Variants in C3orf20 observed in about 807,000 individuals in gnomAD.
The protein encoded by C3orf20 is family with sequence similarity 149 member C.
In C3orf20, 76 loss-of-function variants were observed where a neutral mutation model predicts 88.3. That is an observed-to-expected ratio of 0.86 (90% CI 0.72 to 1.04). C3orf20 has a LOEUF of 1.04. C3orf20 is among the 50% of genes least tolerant of loss of function. The pLI, the probability that C3orf20 is intolerant of heterozygous loss-of-function variation, is 0.00. For synonymous variants in C3orf20, 436 were observed against 437.4 expected (o/e 1.00, Z 0.04); for missense variants, 1,056 against 1,123.3 (o/e 0.94, Z 0.86).
At chr3:14,712,616 T>C (rs955350330) in intron 7 of C3orf20, among the ~76,000 whole-genome samples, 2 of 152,226 alleles carry the variant, frequency 1.3e-5, no homozygotes, top group Admixed American at 1.3e-4. Flanking sequence ...TGTGTGCCCA[T>C]TAACATAGGT....
At chr3:14,707,025 A>G (rs909378045) in intron 7 of C3orf20, among the ~76,000 whole-genome samples, 11 of 152,030 alleles carry the variant, frequency 7.2e-5, no homozygotes, top group Admixed American at 3.9e-4. Context: ...CAAGGCAGGC[A>G]GATCACGAGG....
chr3:14,742,599 T>G (rs183036695), intron 12 of C3orf20, among the ~76,000 whole-genome samples: 18 of 152,316 alleles, frequency 1.2e-4, no homozygotes, highest in African/African-American at 4.3e-4. Flanking sequence ...AGGAGAAGAT[T>G]TTCTTGTCTA....
intron 5 of C3orf20, among the ~76,000 whole-genome samples, chr3:14,698,136 T>TG (rs1559403972): frequency 4.6e-5 from 7 of 151,524 alleles, no homozygotes; most frequent in South Asian, 4.2e-4. Flanking sequence ...ATCTCCACAC[T>TG]GTCTTCAATC....
intron 4 of C3orf20, among the ~76,000 whole-genome samples, chr3:14,687,622 G>A (rs1048666875): frequency 6.6e-6 from 1 of 152,242 alleles, no homozygotes; most frequent in African/African-American, 2.4e-5. Context: ...CATGGCAGAT[G>A]TCAGGGTAGC....
At chr3:14,719,438 G>C (rs1330490193) in intron 9 of C3orf20, among the ~76,000 whole-genome samples, 1 of 152,220 alleles carries the variant, frequency 6.6e-6, no homozygotes, top group East Asian at 1.9e-4. Flanking sequence ...ATGAAAGGAA[G>C]AGGGAATTGT....
intron 12 of C3orf20, among the ~76,000 whole-genome samples, chr3:14,738,469 C>A (rs961413509): frequency 1.3e-5 from 2 of 151,696 alleles, no homozygotes; most frequent in Non-Finnish European, 2.9e-5. Context: ...GCTGGGACTA[C>A]AGGCACCCGC....
intron 5 of C3orf20, among the ~76,000 whole-genome samples, chr3:14,696,539 T>A (rs1370515587): frequency 1.3e-5 from 2 of 151,858 alleles, no homozygotes; most frequent in Non-Finnish European, 2.9e-5. Context: ...TACAGACACA[T>A]GCCACCACAC....
chr3:14,738,815 GTTT>G (rs71038433), intron 12 of C3orf20, among the ~76,000 whole-genome samples: 25 of 97,782 alleles, frequency 2.6e-4, no homozygotes, highest in African/African-American at 6.8e-4. Flanking sequence ...TAATTTTTTT[GTTT>G]TTTTTTTTTT....
intron 15 of C3orf20, among the ~76,000 whole-genome samples, chr3:14,769,013 T>G (rs2035792635): frequency 6.6e-6 from 1 of 152,034 alleles, no homozygotes; most frequent in African/African-American, 2.4e-5. Flanking sequence ...GCCTAGTCGT[T>G]CACGATCCTC....
chr3:14,712,358 G>A (rs566329632), intron 7 of C3orf20, among the ~76,000 whole-genome samples: 3 of 152,264 alleles, frequency 2.0e-5, no homozygotes, highest in East Asian at 3.9e-4. Flanking sequence ...GCATAACCCT[G>A]TTGACACCTT....
chr3:14,708,641 G>A (rs953510785), intron 7 of C3orf20, among the ~76,000 whole-genome samples: 24 of 152,050 alleles, frequency 1.6e-4, no homozygotes, highest in African/African-American at 5.8e-4. Context: ...GTTTGTTGTT[G>A]TTGTTGTTGT....
At chr3:14,732,842 T>C (rs898550357) in intron 12 of C3orf20, among the ~76,000 whole-genome samples, 6 of 152,246 alleles carry the variant, frequency 3.9e-5, no homozygotes, top group African/African-American at 1.2e-4. Context: ...GTTTTATATT[T>C]AGGTCTATGA....
intron 5 of C3orf20, among the ~76,000 whole-genome samples, chr3:14,694,237 C>G (rs1000302508): frequency 2.6e-5 from 4 of 152,152 alleles, no homozygotes; most frequent in African/African-American, 9.7e-5. Context: ...CCCTCCTCCT[C>G]TATTTTTCAG....
chr3:14,733,615 CTTTT>C (rs1339046327), intron 12 of C3orf20, among the ~76,000 whole-genome samples: 1 of 150,202 alleles, frequency 6.7e-6, no homozygotes, highest in Non-Finnish European at 1.5e-5. Context: ...ATTCAGATTT[CTTTT>C]TGTGTTTATT....
intron 12 of C3orf20, among the ~76,000 whole-genome samples, chr3:14,738,452 C>T (rs1307523672): frequency 1.3e-5 from 2 of 151,704 alleles, no homozygotes; most frequent in East Asian, 1.9e-4. Flanking sequence ...CCTCAGCCTC[C>T]CCAGTAGCTG....
chr3:14,696,720 T>C (rs1419272482), intron 5 of C3orf20, among the ~76,000 whole-genome samples: 1 of 151,804 alleles, frequency 6.6e-6, no homozygotes, highest in African/African-American at 2.4e-5. Context: ...GTCTTTCTGC[T>C]TGAGATAATA....
chr3:14,733,694 GT>G (rs56739474), intron 12 of C3orf20, among the ~76,000 whole-genome samples: 124 of 142,774 alleles, frequency 8.7e-4, no homozygotes, highest in Admixed American at 2.2e-3. Flanking sequence ...GTTGAAGTTG[GT>G]TTTTTTTTTT....
intron 12 of C3orf20, among the ~76,000 whole-genome samples, chr3:14,739,193 T>C (rs1387828914): frequency 1.3e-5 from 2 of 152,204 alleles, no homozygotes; most frequent in South Asian, 2.1e-4. Context: ...ACAGCATCTA[T>C]AGCTTTACAA....
intron 12 of C3orf20, among the ~76,000 whole-genome samples, chr3:14,738,323 A>G (rs372987834): frequency 6.6e-6 from 1 of 150,440 alleles, no homozygotes; most frequent in African/African-American, 2.4e-5. Context: ...ATCTTCCACC[A>G]TGCCCAACTA....
Sources: allele counts gnomAD v4.1 joint callset (sites outside exome capture counted in the v4.1 genomes callset), GRCh38; gene constraint gnomAD v4.1.1; transcripts MANE v1.5; gene names NCBI Gene and HGNC (gene_info 2026-07-23, HGNC 2026-07-21).